MTMR10: variants seen among roughly 807,000 people sequenced by gnomAD.
MTMR10 encodes the protein myotubularin related protein 10.
Under a neutral mutation model 88.1 loss-of-function variants are expected in MTMR10, and 56 were observed. That is an observed-to-expected ratio of 0.64 (90% CI 0.51 to 0.79). The LOEUF (loss-of-function observed/expected upper bound fraction) is 0.79. Ranked by LOEUF, MTMR10 falls within the 30% of genes least tolerant of loss-of-function variation. The pLI is 0.00. For missense variants in MTMR10, 883 were observed against 924.7 expected, an observed-to-expected ratio of 0.95 and a Z score of 0.58; for synonymous variants, 380 against 340.9, an observed-to-expected ratio of 1.11 and a Z score of -1.26.
intron 14 of MTMR10, chr15:30,943,487 T>G: frequency 1.0e-6 from 1 of 985,478 alleles, no homozygotes. Flanking sequence ...ACAAAATCTT[T>G]GGATGGAAAT....
At chr15:30,973,002 A>C (rs1346108312) in intron 5 of MTMR10, among the ~76,000 whole-genome samples, 1 of 152,212 alleles carries the variant, frequency 6.6e-6, no homozygotes, top group African/African-American at 2.4e-5. Flanking sequence ...TACACATCTT[A>C]AGGTTTTCAT....
In MTMR10 at chr15:30,974,413, C is replaced by A. The variant is rs202027318; in HGVS notation, c.375G>T (p.Gln125His). Residue 125 changes from glutamine to histidine, a missense_variant, in exon 5 of 16, where the codon CAG becomes CAT. By Grantham distance (24) the Gln-to-His change is conservative. This residue lies in a region of MTMR10 where 414 missense variants were observed against 423.2 expected (regional missense o/e 0.98). Transcript: ENST00000435680. Reference protein sequence around the residue: ...KRKQKVLGPNQKLKFNPTELI... With the variant: ...KRKQKVLGPNHKLKFNPTELI... ...ACTCTGTTGGATTAAATTTCAGTTT[C>A]TGGTTGGGGCCTAGGACTTTCTGCT... is the stretch of plus-strand genomic sequence containing the variant. 182 of 1,603,716 alleles carry A rather than the reference C, an allele frequency of 1.1e-4. No homozygotes were observed. Among genetic ancestry groups the A allele is most frequent in the Non-Finnish European group, 1.4e-4 (166 of 1,173,832 alleles).
intron 2 of MTMR10, among the ~76,000 whole-genome samples, chr15:30,983,336 G>A (rs1044724331): frequency 7.2e-5 from 11 of 152,142 alleles, no homozygotes; most frequent in African/African-American, 2.7e-4. Context: ...CTAACACCTG[G>A]GAGGAAATCA....
intron 6 of MTMR10, among the ~76,000 whole-genome samples, chr15:30,961,667 T>C (rs2063404077): frequency 6.6e-6 from 1 of 152,206 alleles, no homozygotes; most frequent in African/African-American, 2.4e-5. Context: ...TCAGTCAACA[T>C]GATATTGAAA....
chr15:30,988,987 C>CAA (rs71420538), intron 2 of MTMR10, among the ~76,000 whole-genome samples: 18,779 of 85,470 alleles, frequency 0.22, 1,729 homozygotes, highest in Middle Eastern at 0.29. Flanking sequence ...GACTCTGTCT[C>CAA]AAAAAAAAAA....
chr15:30,957,445 G>A (rs544789156), intron 9 of MTMR10, among the ~76,000 whole-genome samples: 4 of 152,286 alleles, frequency 2.6e-5, no homozygotes, highest in South Asian at 2.1e-4. Context: ...TGAGTGAGCC[G>A]GGTGCAGTGG....
At position 30,974,491 on chromosome 15, in the gene MTMR10, C is replaced by T. The variant is rs772137272; in HGVS notation, c.332-35G>A. ...AAAAAAAAATAGAGAAAATAAAATG[C>T]GTAACAGTTATTTGTTACTCACCCT... On this transcript the variant is annotated intron_variant, in intron 4 of 15. Coordinates refer to ENST00000435680, the MANE Select transcript of MTMR10 (RefSeq NM_017762.3). 8.2e-6 allele frequency: 12 copies of T among 1,465,138 alleles called. No homozygotes were observed. In the African/African-American group the frequency reaches 1.0e-4, roughly 12 times the overall value. The allele number at this position is 1,465,138 out of a possible 1,614,324, so 90.8% of individuals were successfully genotyped here.
the MTMR10 span, among the ~76,000 whole-genome samples, chr15:30,921,211 T>C: frequency 1.5e-3 from 232 of 152,278 alleles, 3 homozygotes; most frequent in East Asian, 0.015. Flanking sequence ...GATGAATCTG[T>C]GTCCCAGGAT....
intron 6 of MTMR10, among the ~76,000 whole-genome samples, chr15:30,962,485 A>G (rs2063415259): frequency 6.6e-6 from 1 of 152,170 alleles, no homozygotes; most frequent in South Asian, 2.1e-4. Flanking sequence ...TAAACTTTCA[A>G]TAAGCTCATT....
intron 9 of MTMR10, among the ~76,000 whole-genome samples, chr15:30,957,840 G>C (rs1354406840): frequency 6.6e-6 from 1 of 152,246 alleles, no homozygotes; most frequent in Non-Finnish European, 1.5e-5. Context: ...AGTCCAGGGG[G>C]CTGGAGCCCA....
intron 6 of MTMR10, among the ~76,000 whole-genome samples, chr15:30,963,658 T>TAGACAGACAGAC (rs1555409486): frequency 5.3e-5 from 8 of 150,704 alleles, no homozygotes; most frequent in African/African-American, 1.9e-4. Flanking sequence ...GACAGATAGA[T>TAGACAGACAGAC]AGATAGACAG....
the MTMR10 span, chr15:30,929,484 ATG>A: frequency 3.5e-6 from 3 of 867,778 alleles, no homozygotes; most frequent in Non-Finnish European, 5.3e-6. Context: ...CAAAATACAC[ATG>A]TGTGTATATG....
rs977166865 is a variant in MTMR10, at chr15:30,939,123, G to A, written c.*2347C>T. The A allele has an allele frequency of 5.1e-6, 5 of 985,272 alleles. No homozygotes were observed. The Admixed American group carries it at 2.5e-4, about 48-fold the overall frequency. The allele number at this position is 985,272 out of a possible 1,614,324, so 61.0% of individuals were successfully genotyped here. On this transcript the variant is annotated 3_prime_UTR_variant, in exon 16 of 16. Coordinates refer to ENST00000435680, the MANE Select transcript of MTMR10 (RefSeq NM_017762.3). ...CCACTTGAGGTTACTACTGCAGCAAGCAGATTTTGTTGACAAATGTGAACA... is the reference window on the plus strand; with the variant it reads ...CCACTTGAGGTTACTACTGCAGCAAACAGATTTTGTTGACAAATGTGAACA...
intron 2 of MTMR10, among the ~76,000 whole-genome samples, chr15:30,983,803 T>C (rs1170422917): frequency 6.6e-6 from 1 of 152,214 alleles, no homozygotes; most frequent in Non-Finnish European, 1.5e-5. Flanking sequence ...GGAATTAAAG[T>C]GGCTCAAAAG....
intron 9 of MTMR10, among the ~76,000 whole-genome samples, chr15:30,957,137 T>C (rs1213713881): frequency 6.6e-6 from 1 of 152,142 alleles, no homozygotes; most frequent in African/African-American, 2.4e-5. Context: ...CATAAGCCTG[T>C]TTTATAAGAT....
At chr15:30,944,077 G>C in intron 14 of MTMR10, 1 of 927,078 alleles carries the variant, frequency 1.1e-6, no homozygotes, top group African/African-American at 1.8e-5. Flanking sequence ...AACAATGAAT[G>C]TTATTAGGAC....
chr15:30,965,150 C>A (rs1193495599), intron 6 of MTMR10, among the ~76,000 whole-genome samples: 1 of 152,130 alleles, frequency 6.6e-6, no homozygotes, highest in African/African-American at 2.4e-5. Flanking sequence ...CTGGAACCAC[C>A]AATATTCAAC....
intron 9 of MTMR10, among the ~76,000 whole-genome samples, chr15:30,957,013 T>C (rs1259064263): frequency 6.6e-6 from 1 of 152,006 alleles, no homozygotes; most frequent in Non-Finnish European, 1.5e-5. Flanking sequence ...CATTTGAGGG[T>C]CACTTGATGG....
At chr15:30,974,241 A>C in intron 5 of MTMR10, 73 bp downstream of exon 5, 1 of 1,274,138 alleles carries the variant, frequency 7.8e-7, no homozygotes. Context: ...TGAGAAATGA[A>C]AACTGCCATA....
Sources: allele counts gnomAD v4.1 joint callset (sites outside exome capture counted in the v4.1 genomes callset), GRCh38; gene constraint gnomAD v4.1.1; regional missense constraint gnomAD v4.1.1; transcripts MANE v1.5; gene names NCBI Gene and HGNC (gene_info 2026-07-23, HGNC 2026-07-21).